Variants in ROBO2 observed in about 807,000 individuals in gnomAD.
ROBO2 encodes the protein roundabout homolog 2.
Under a neutral mutation model 160.8 loss-of-function variants are expected in ROBO2, and 53 were observed. The ratio of observed to expected loss-of-function variants is 0.33; its 90% CI spans 0.26 to 0.41. ROBO2 has a LOEUF of 0.41. Ranked by LOEUF, ROBO2 falls within the 10% of genes least tolerant of loss-of-function variation. The pLI, the probability that ROBO2 is intolerant of heterozygous loss-of-function variation, is 1.00. For synonymous variants in ROBO2, 664 were observed against 611.7 expected (o/e 1.09, Z -1.26); for missense variants, 1,577 against 1,722.4 (o/e 0.92, Z 1.49).
chr3:77,432,715 A>G (rs974062025), intron 2 of ROBO2, among the ~76,000 whole-genome samples: 6 of 152,168 alleles, frequency 3.9e-5, no homozygotes, highest in African/African-American at 1.4e-4. Flanking sequence ...CTATCACTGA[A>G]TGGTCTTTAA....
chr3:76,088,997 T>C (rs879462130), intron 2 of ROBO2, among the ~76,000 whole-genome samples: 4 of 151,876 alleles, frequency 2.6e-5, no homozygotes, highest in Non-Finnish European at 4.4e-5. Context: ...ATATCAGAAA[T>C]GAAAGAGAGG....
At chr3:76,177,116 G>A (rs1015227330) in intron 2 of ROBO2, among the ~76,000 whole-genome samples, 2 of 151,990 alleles carry the variant, frequency 1.3e-5, no homozygotes, top group East Asian at 1.9e-4. Context: ...TGTACTTCTC[G>A]TTATTCTCAC....
At chr3:77,184,890 A>T (rs1276570973) in intron 2 of ROBO2, among the ~76,000 whole-genome samples, 3 of 152,058 alleles carry the variant, frequency 2.0e-5, no homozygotes, top group East Asian at 1.9e-4. Context: ...GACTGAGATG[A>T]TATAATGCTT....
chr3:76,909,576 A>C (rs1246298949), intron 2 of ROBO2, among the ~76,000 whole-genome samples: 3 of 152,210 alleles, frequency 2.0e-5, no homozygotes, highest in African/African-American at 7.2e-5. Context: ...TAATTTTTTC[A>C]AAAAGAATTT....
intron 24 of ROBO2, among the ~76,000 whole-genome samples, chr3:77,636,637 G>C (rs984762109): frequency 7.9e-5 from 12 of 152,100 alleles, no homozygotes; most frequent in African/African-American, 2.9e-4. Flanking sequence ...TAGAATGATG[G>C]AAATGATTGA....
At chr3:77,511,037 T>G (rs1213420103) in intron 5 of ROBO2, among the ~76,000 whole-genome samples, 1 of 151,788 alleles carries the variant, frequency 6.6e-6, no homozygotes, top group East Asian at 1.9e-4. Context: ...AAAATCCTCA[T>G]GGAGATGACC....
rs1328956396 is a variant in ROBO2, at chr3:76,304,767, T to C, written c.109+367165T>C. Among the ~76,000 whole-genome samples the C allele has an allele frequency of 6.4e-4, 96 of 150,580 alleles. 1 individual carries two copies. The highest frequency in any genetic ancestry group is 2.1e-3 in the South Asian group (10 of 4,748). ...CTTTCCTTCTTTCTTTCTTTCTTTCTTTCTTTCTTTCTTTCTTTCTTTCTT... is the reference window on the plus strand; with the variant it reads ...CTTTCCTTCTTTCTTTCTTTCTTTCCTTCTTTCTTTCTTTCTTTCTTTCTT... On this transcript the variant is annotated intron_variant, in intron 2 of 26. Transcript: ENST00000487694.
At chr3:76,707,731 GTATATATATATATA>G (rs56401900) in intron 2 of ROBO2, among the ~76,000 whole-genome samples, 7 of 134,214 alleles carry the variant, frequency 5.2e-5, no homozygotes, top group Non-Finnish European at 8.0e-5. Context: ...ACATGTGTGT[GTATATATATATATA>G]TATATATATA....
At chr3:76,213,135 C>T (rs1037105670) in intron 2 of ROBO2, among the ~76,000 whole-genome samples, 1 of 151,986 alleles carries the variant, frequency 6.6e-6, no homozygotes, top group African/African-American at 2.4e-5. Flanking sequence ...GGTAGAATTT[C>T]AATGATACAT....
chr3:76,112,336 A>G (rs4856008), intron 2 of ROBO2, among the ~76,000 whole-genome samples: 10,276 of 152,086 alleles, frequency 0.068, 678 homozygotes, highest in East Asian at 0.37. Flanking sequence ...TCTTGTCAAA[A>G]TTTCAGAATG....
chr3:76,160,611 C>T (rs1038811523), intron 2 of ROBO2, among the ~76,000 whole-genome samples: 1 of 152,132 alleles, frequency 6.6e-6, no homozygotes, highest in African/African-American at 2.4e-5. Context: ...GGGCATTGTT[C>T]TCATAAACTT....
At chr3:76,780,374 A>C (rs78551615) in intron 2 of ROBO2, among the ~76,000 whole-genome samples, 6,660 of 150,848 alleles carry the variant, frequency 0.044, 220 homozygotes, top group Non-Finnish European at 0.065. Context: ...CCCACGCTGT[A>C]GGTTGCTTTT....
chr3:77,002,718 T>C lies in ROBO2; in HGVS notation c.110-95296T>C, dbSNP rs539741889. On this transcript the variant is annotated intron_variant, in intron 2 of 26. Transcript: ENST00000487694. ...AATGATATCTTTTTGTCTCAGTCTC[T>C]AAATCTCACCCGTAGATAATTATTA... is the stretch of plus-strand genomic sequence containing the variant. Among the ~76,000 whole-genome samples, 4 of 152,270 alleles carry C rather than the reference T, an allele frequency of 2.6e-5. No individual in the cohort carries two copies. In the South Asian group the frequency reaches 8.3e-4, roughly 32 times the overall value.
intron 9 of ROBO2, among the ~76,000 whole-genome samples, chr3:77,558,849 C>T (rs2093224368): frequency 6.6e-6 from 1 of 152,054 alleles, no homozygotes; most frequent in African/African-American, 2.4e-5. Context: ...AAAAGCAACA[C>T]ACATTTATTA....
chr3:76,869,911 C>T (rs1342423710), intron 2 of ROBO2, among the ~76,000 whole-genome samples: 1 of 152,046 alleles, frequency 6.6e-6, no homozygotes, highest in East Asian at 1.9e-4. Context: ...CTCATCCTCC[C>T]ACTCAGACTT....
chr3:77,509,207 G>A (rs1294017299), intron 5 of ROBO2, among the ~76,000 whole-genome samples: 3 of 152,018 alleles, frequency 2.0e-5, no homozygotes, highest in Admixed American at 6.6e-5. Context: ...AGGTTGCAAG[G>A]GAGAAATTAC....
At chr3:75,995,477 A>C (rs749108575) in intron 2 of ROBO2, among the ~76,000 whole-genome samples, 27 of 152,220 alleles carry the variant, frequency 1.8e-4, no homozygotes, top group Non-Finnish European at 3.2e-4. Context: ...CCTAGATTTC[A>C]GAAAATGTAT....
At chr3:76,142,635 A>C (rs1218446922) in intron 2 of ROBO2, among the ~76,000 whole-genome samples, 1 of 151,924 alleles carries the variant, frequency 6.6e-6, no homozygotes, top group Non-Finnish European at 1.5e-5. Context: ...ATGGACATAG[A>C]GAGTAGAAGG....
At chr3:76,820,779 T>G (rs948684912) in intron 2 of ROBO2, among the ~76,000 whole-genome samples, 5 of 152,142 alleles carry the variant, frequency 3.3e-5, no homozygotes, top group Non-Finnish European at 5.9e-5. Flanking sequence ...GATGATTCTG[T>G]ATCTGCTTCG....
Sources: allele counts gnomAD v4.1 joint callset (sites outside exome capture counted in the v4.1 genomes callset), GRCh38; gene constraint gnomAD v4.1.1; transcripts MANE v1.5; gene names NCBI Gene and HGNC (gene_info 2026-07-23, HGNC 2026-07-21).